The following MYO9A variants were observed in gnomAD, a reference collection of about 807,000 sequenced individuals.
MYO9A encodes the protein unconventional myosin-IXa.
MYO9A carries 103 observed loss-of-function variants against 293.3 expected under a neutral mutation model. The observed-to-expected ratio is 0.35, with a 90% CI of 0.30 to 0.41. The LOEUF (loss-of-function observed/expected upper bound fraction) is 0.41. Ranked by LOEUF, MYO9A falls within the 10% of genes least tolerant of loss-of-function variation. MYO9A has a pLI of 1.00. For synonymous variants in MYO9A, 1,001 were observed against 1,035.7 expected (o/e 0.97, Z 0.64); for missense variants, 2,685 against 3,033.0 (o/e 0.89, Z 2.69).
rs562715215 is a variant in MYO9A at position 72,107,409 on chromosome 15, T to C, written c.-72+10271A>G. Among the ~76,000 whole-genome samples, 210 of 151,910 alleles carry C rather than the reference T, an allele frequency of 1.4e-3. 1 individual carries two copies. Among genetic ancestry groups the C allele is most frequent in the African/African-American group, 4.6e-3 (192 of 41,456 alleles). On this transcript the variant is annotated intron_variant, in intron 1 of 41. Transcript: ENST00000356056. ...ACTAAAAATACAAAAATTAGCGAAG[T>C]ATAGTGGCGCGCGCCTGTAATCCCA...
At chr15:72,110,627 G>A (rs2151113027) in intron 1 of MYO9A, among the ~76,000 whole-genome samples, 1 of 152,066 alleles carries the variant, frequency 6.6e-6, no homozygotes, top group East Asian at 1.9e-4. Flanking sequence ...AACTCACACT[G>A]AATCAAATAC....
At chr15:72,112,138 G>A (rs1328345149) in intron 1 of MYO9A, among the ~76,000 whole-genome samples, 1 of 151,970 alleles carries the variant, frequency 6.6e-6, no homozygotes, top group Non-Finnish European at 1.5e-5. Flanking sequence ...TATATTCAAA[G>A]AGCTACACAA....
chr15:72,076,638 A>T (rs921134601), intron 1 of MYO9A, among the ~76,000 whole-genome samples: 1 of 152,196 alleles, frequency 6.6e-6, no homozygotes, highest in East Asian at 1.9e-4. Context: ...CAAGAAGAGG[A>T]AGACTCAGTA....
At chr15:71,911,468 A>C (rs531654912) in intron 19 of MYO9A, among the ~76,000 whole-genome samples, 3 of 152,318 alleles carry the variant, frequency 2.0e-5, no homozygotes, top group Non-Finnish European at 2.9e-5. Flanking sequence ...GCTTGAAGAA[A>C]GAGTATGTTG....
chr15:72,101,259 C>A, intron 1 of MYO9A, among the ~76,000 whole-genome samples: 1 of 133,516 alleles, frequency 7.5e-6, no homozygotes, highest in Middle Eastern at 5.6e-3. Context: ...GTCAGCCCCC[C>A]GCCCGGCCAG....
chr15:72,034,041 C>T (rs1002711988), intron 2 of MYO9A, among the ~76,000 whole-genome samples: 1 of 152,164 alleles, frequency 6.6e-6, no homozygotes, highest in African/African-American at 2.4e-5. Context: ...TGTAACTGTG[C>T]AGAGCATATA....
Position 71,826,012 on chromosome 15 carries a change from T to TG in MYO9A, c.*567_*568insC, listed in dbSNP as rs2054479031. 7.1e-6 allele frequency: 1 copy of TG among 140,020 alleles called. No homozygotes were observed. The highest frequency in any genetic ancestry group is 2.2e-4 in the East Asian group (1 of 4,516). The allele number at this position is 140,020 out of a possible 1,614,324, so 8.7% of individuals were successfully genotyped here. A position where few individuals can be genotyped will look rare whatever the true frequency, so the allele number is the denominator to read the frequency against. ...TTTTTTTTGTTTTTTTTTTTTTGTT[T>TG]TTTTTTTTTGTTTTTGCTTTCCCCA... On this transcript the variant is annotated 3_prime_UTR_variant, in exon 42 of 42. Transcript: ENST00000356056.
chr15:71,874,481 T>C (rs1382385985), intron 32 of MYO9A, among the ~76,000 whole-genome samples: 2 of 152,304 alleles, frequency 1.3e-5, no homozygotes, highest in African/African-American at 2.4e-5. Context: ...CTCAAGATCA[T>C]GTCAAGCCTT....
chr15:72,024,804 G>A (rs1039405198), intron 4 of MYO9A, among the ~76,000 whole-genome samples: 2 of 151,292 alleles, frequency 1.3e-5, no homozygotes, highest in African/African-American at 4.9e-5. Flanking sequence ...CAATGCCCAA[G>A]GTAACCAATA....
intron 1 of MYO9A, among the ~76,000 whole-genome samples, chr15:72,075,206 T>G (rs1352381890): frequency 6.6e-6 from 1 of 151,948 alleles, no homozygotes; most frequent in African/African-American, 2.4e-5. Flanking sequence ...CCTCAAGTGA[T>G]CCACCCGCCT....
chr15:71,857,733 A>C (rs1222594254), intron 34 of MYO9A, among the ~76,000 whole-genome samples: 3 of 152,124 alleles, frequency 2.0e-5, no homozygotes, highest in Non-Finnish European at 4.4e-5. Context: ...GATAGGTAAA[A>C]GTATATAAAG....
intron 12 of MYO9A, among the ~76,000 whole-genome samples, chr15:71,968,636 C>T (rs1288920910): frequency 6.6e-6 from 1 of 152,050 alleles, no homozygotes; most frequent in Non-Finnish European, 1.5e-5. Flanking sequence ...ATCAACTGAG[C>T]ACTTAATATC....
chr15:72,078,533 A>G (rs1045097028), intron 1 of MYO9A, among the ~76,000 whole-genome samples: 3 of 150,974 alleles, frequency 2.0e-5, no homozygotes, highest in Non-Finnish European at 4.4e-5. Context: ...GCAGACAGAA[A>G]TCAGACACAG....
chr15:72,027,678 T>C (rs927716845), intron 4 of MYO9A, 53 bp downstream of exon 4: 3 of 1,372,418 alleles, frequency 2.2e-6, no homozygotes, highest in African/African-American at 2.9e-5. Context: ...TAAAAGTCAG[T>C]CTGCGTGATA....
rs749739365 is a variant in MYO9A at position 72,046,588 on chromosome 15, G to T, written c.-25C>A. ...TATTGGATCCTGTCCCATCAGCATGGATAGTATATGTTCAAAGTCGTGCAA... is the reference window on the plus strand; with the variant it reads ...TATTGGATCCTGTCCCATCAGCATGTATAGTATATGTTCAAAGTCGTGCAA... On this transcript the variant is annotated 5_prime_UTR_variant, in exon 2 of 42. Transcript: ENST00000356056. 6.5e-7 allele frequency: 1 copy of T among 1,541,698 alleles called. No individual in the cohort carries two copies. The highest frequency in any genetic ancestry group is 8.7e-7 in the Non-Finnish European group (1 of 1,146,464).
intron 26 of MYO9A, chr15:71,891,021 A>C (rs1242943135): frequency 6.6e-6 from 1 of 152,220 alleles, no homozygotes; most frequent in African/African-American, 2.4e-5. Flanking sequence ...AATATTCTCA[A>C]GATAAATAAA....
intron 32 of MYO9A, among the ~76,000 whole-genome samples, chr15:71,874,018 G>A (rs546799785): frequency 6.6e-6 from 1 of 152,246 alleles, no homozygotes; most frequent in South Asian, 2.1e-4. Context: ...GTTGTCCAGT[G>A]TTTCTCAATG....
chr15:71,885,501 T>G (rs2056993043), intron 27 of MYO9A, among the ~76,000 whole-genome samples: 1 of 152,122 alleles, frequency 6.6e-6, no homozygotes. Context: ...TTTATCAGTT[T>G]CATCTTGTTG....
intron 1 of MYO9A, among the ~76,000 whole-genome samples, chr15:72,112,459 G>A (rs1199893445): frequency 1.1e-4 from 17 of 152,048 alleles, no homozygotes; most frequent in Admixed American, 1.1e-3. Flanking sequence ...TAATTCATAG[G>A]CCATTTTCAG....
Sources: allele counts gnomAD v4.1 joint callset (sites outside exome capture counted in the v4.1 genomes callset), GRCh38; gene constraint gnomAD v4.1.1; transcripts MANE v1.5; gene names NCBI Gene and HGNC (gene_info 2026-07-23, HGNC 2026-07-21).